NDUFA10: variants seen among roughly 807,000 people sequenced by gnomAD.
NDUFA10 encodes the protein NADH:ubiquinone oxidoreductase subunit A10.
Under a neutral mutation model 47.8 loss-of-function variants are expected in NDUFA10, and 40 were observed. That is an observed-to-expected ratio of 0.84 (90% CI 0.65 to 1.09). The LOEUF (loss-of-function observed/expected upper bound fraction) is 1.09. NDUFA10 is among the 50% of genes least tolerant of loss of function. The pLI is 0.00. For missense variants in NDUFA10, 413 were observed against 451.1 expected (o/e 0.92, Z 0.76); for synonymous variants, 183 against 172.2 (o/e 1.06, Z -0.49).
chr2:239,975,020 A>G (rs1695465285), intron 9 of NDUFA10, among the ~76,000 whole-genome samples: 2 of 145,530 alleles, frequency 1.4e-5, no homozygotes, highest in African/African-American at 5.2e-5. Flanking sequence ...GCCACCAAAG[A>G]GCTGGTCATT....
At chr2:239,917,936 G>C (rs1456888217) in intron 4 of NDUFA10, among the ~76,000 whole-genome samples, 1 of 152,220 alleles carries the variant, frequency 6.6e-6, no homozygotes, top group Non-Finnish European at 1.5e-5. Context: ...CAGCAGAGGA[G>C]CAGCACCCCC....
At chr2:240,018,290 T>G in intron 4 of NDUFA10, 1 of 990,734 alleles carries the variant, frequency 1.0e-6, no homozygotes, top group Non-Finnish European at 1.5e-6. Context: ...GGGGCTGCAC[T>G]TTAAGCTGCG....
At chr2:240,022,375 G>T in intron 1 of NDUFA10, 35 bp from the exon 2 acceptor site, 2 of 1,613,478 alleles carry the variant, frequency 1.2e-6, no homozygotes, top group South Asian at 1.1e-5. Flanking sequence ...AGCACATTGT[G>T]ACCACTCTGG....
At chr2:239,900,295 CT>C (rs1336084952) in intron 4 of NDUFA10, among the ~76,000 whole-genome samples, 14 of 112,412 alleles carry the variant, frequency 1.2e-4, no homozygotes, top group African/African-American at 4.6e-4. Context: ...TGAGTCAATA[CT>C]CCTTAATGAA....
At chr2:239,995,519 C>T (rs1696437943) in intron 8 of NDUFA10, among the ~76,000 whole-genome samples, 2 of 152,008 alleles carry the variant, frequency 1.3e-5, no homozygotes, top group Admixed American at 1.3e-4. Context: ...CAATGAAATC[C>T]AGAGAAGGCA....
downstream of NDUFA10, among the ~76,000 whole-genome samples, chr2:239,953,745 C>G (rs533223314): frequency 1.4e-3 from 211 of 152,362 alleles, no homozygotes; most frequent in African/African-American, 4.9e-3. Flanking sequence ...CAGGCAGAGG[C>G]TTGTCCTTAA....
At chr2:239,989,425 T>C (rs1040448120) in intron 9 of NDUFA10, among the ~76,000 whole-genome samples, 6 of 152,230 alleles carry the variant, frequency 3.9e-5, no homozygotes, top group African/African-American at 1.4e-4. Flanking sequence ...CTTTTACCCA[T>C]AACAAACCAC....
At chr2:239,896,600 C>A (rs1335501545) in intron 4 of NDUFA10, among the ~76,000 whole-genome samples, 3 of 152,096 alleles carry the variant, frequency 2.0e-5, no homozygotes, top group African/African-American at 7.2e-5. Flanking sequence ...TTGTTTGGCT[C>A]CTAATTCAAA....
intron 4 of NDUFA10, among the ~76,000 whole-genome samples, chr2:239,932,662 C>T (rs1424464834): frequency 1.3e-5 from 2 of 151,864 alleles, no homozygotes; most frequent in Non-Finnish European, 2.9e-5. Flanking sequence ...TCACTGTAAG[C>T]TCCACCTCCC....
rs61475593 is a variant in NDUFA10 at position 240,002,330 on chromosome 2, C to CAA, written c.890+2878_890+2879dup. Among the ~76,000 whole-genome samples, 58 of 83,746 alleles carry CAA rather than the reference C, an allele frequency of 6.9e-4. 2 individuals carry two copies. Among genetic ancestry groups the CAA allele is most frequent in the South Asian group, 3.9e-3 (7 of 1,806 alleles). 54.9% of individuals were successfully genotyped at this position (83,746 alleles called of 152,430 possible). On this transcript the variant is annotated intron_variant, in intron 8 of 9. Coordinates refer to ENST00000252711, the MANE Select transcript of NDUFA10 (RefSeq NM_004544.4). ...GGGCAACAAGAGCAAAACTCTGACTCAAAAAAAAAAAAAAAAAAAAAAAAA... is the reference window on the plus strand; with the variant it reads ...GGGCAACAAGAGCAAAACTCTGACTCAAAAAAAAAAAAAAAAAAAAAAAAAAA...
chr2:239,898,306 A>G (rs72999716), intron 4 of NDUFA10, among the ~76,000 whole-genome samples: 19,241 of 152,242 alleles, frequency 0.13, 1,324 homozygotes, highest in South Asian at 0.18. Flanking sequence ...TAGAAAGCCA[A>G]GTCCCTTACA....
chr2:240,011,550 G>A (rs927036886), intron 6 of NDUFA10, 67 bp downstream of exon 6: 1 of 1,270,568 alleles, frequency 7.9e-7, no homozygotes, highest in South Asian at 1.2e-5. Flanking sequence ...TCCCTGGGCT[G>A]TTGGGGCCTA....
At chr2:239,984,862 G>A (rs984244051) in intron 9 of NDUFA10, among the ~76,000 whole-genome samples, 2 of 152,212 alleles carry the variant, frequency 1.3e-5, no homozygotes, top group Admixed American at 1.3e-4. Flanking sequence ...TCAGCAGCAG[G>A]AGTGCACTGT....
intron 4 of NDUFA10, chr2:240,017,839 C>T: frequency 6.4e-7 from 1 of 1,566,348 alleles, no homozygotes; most frequent in Non-Finnish European, 8.7e-7. Context: ...CCTCCTCTTT[C>T]ATTAATCAAC....
intron 9 of NDUFA10, among the ~76,000 whole-genome samples, chr2:239,963,404 C>A (rs1432535454): frequency 1.3e-5 from 2 of 152,140 alleles, no homozygotes; most frequent in South Asian, 2.1e-4. Context: ...GCAGGAAGAC[C>A]GCAAGAGAGG....
intron 4 of NDUFA10, among the ~76,000 whole-genome samples, chr2:239,908,323 C>T (rs919264464): frequency 5.9e-5 from 9 of 152,132 alleles, no homozygotes; most frequent in African/African-American, 9.7e-5. Context: ...GTGCAGCACA[C>T]CAGCATGGCA....
At chr2:239,965,736 G>A (rs1352437376) in intron 9 of NDUFA10, among the ~76,000 whole-genome samples, 3 of 152,224 alleles carry the variant, frequency 2.0e-5, no homozygotes, top group African/African-American at 2.4e-5. Flanking sequence ...TCAGAAGTCA[G>A]GGCTTCTGCC....
At chr2:239,956,141 C>T (rs997409756), downstream of NDUFA10, among the ~76,000 whole-genome samples, 4 of 152,200 alleles carry the variant, frequency 2.6e-5, no homozygotes, top group Admixed American at 2.6e-4. Context: ...ACATCTGGAC[C>T]CCTCCCACGG....
intron 4 of NDUFA10, among the ~76,000 whole-genome samples, chr2:239,946,495 G>C (rs1694456131): frequency 6.6e-6 from 1 of 152,196 alleles, no homozygotes; most frequent in Non-Finnish European, 1.5e-5. Flanking sequence ...CAGAGCCACG[G>C]AGTGAGTCTC....
Sources: gnomAD v4.1 joint callset for allele counts (sites outside exome capture counted in the v4.1 genomes callset) on GRCh38, gnomAD v4.1.1 for gene constraint, MANE v1.5 for transcripts, NCBI Gene and HGNC (gene_info 2026-07-23, HGNC 2026-07-21) for gene names.